MYBPH: variants seen among roughly 807,000 people sequenced by gnomAD.
MYBPH encodes the protein myosin binding protein H, also known as myosin-binding protein H.
MYBPH carries 49 observed loss-of-function variants against 53.6 expected under a neutral mutation model. That is an observed-to-expected ratio of 0.91 (90% confidence interval 0.73 to 1.16). The LOEUF (loss-of-function observed/expected upper bound fraction) is 1.16, where lower values mean the gene tolerates loss of function less well. MYBPH is among the 50% of genes most tolerant of loss of function. The pLI is 0.00. For missense variants in MYBPH, 558 were observed against 624.1 expected (o/e 0.89, Z 1.13); for synonymous variants, 239 against 249.6 (o/e 0.96, Z 0.40).
At chr1:203,168,345 C>T (rs1655623108) in intron 10 of MYBPH, among the ~76,000 whole-genome samples, 1 of 152,184 alleles carries the variant, frequency 6.6e-6, no homozygotes, top group South Asian at 2.1e-4. Context: ...AGAATGTGTC[C>T]AAAGAGAACA....
chr1:203,177,460 G>T (rs934565131), upstream of MYBPH, among the ~76,000 whole-genome samples: 2 of 152,216 alleles, frequency 1.3e-5, no homozygotes, highest in Non-Finnish European at 2.9e-5. Flanking sequence ...CTTTCCTGAG[G>T]ACTGGGGACA....
upstream of MYBPH, among the ~76,000 whole-genome samples, chr1:203,178,757 G>C (rs1180093660): frequency 2.6e-4 from 39 of 152,238 alleles, no homozygotes; most frequent in Admixed American, 2.6e-3. Context: ...AGGTGAATCT[G>C]AGGACGCTGG....
chr1:203,168,507 G>A (rs372138677), intron 10 of MYBPH, 120 bp downstream of exon 10: 2 of 982,526 alleles, frequency 2.0e-6, no homozygotes, highest in Non-Finnish European at 3.1e-6. Context: ...GTGTCCACAA[G>A]TTTGTGTCCA....
At chr1:203,173,920 G>T (rs1018020185) in intron 3 of MYBPH, among the ~76,000 whole-genome samples, 2 of 152,246 alleles carry the variant, frequency 1.3e-5, no homozygotes, top group African/African-American at 4.8e-5. Context: ...CCCCAGTGAG[G>T]TATGCCCTCT....
intron 3 of MYBPH, 176 bp downstream of exon 3, chr1:203,174,254 C>G: frequency 1.0e-6 from 1 of 955,040 alleles, no homozygotes; most frequent in Non-Finnish European, 1.2e-6. Flanking sequence ...AGGCCCCTTA[C>G]TGCTGAGGAA....
Position 203,171,976 on chromosome 1 carries a change from C to T in MYBPH, c.573G>A (p.Thr191=), listed in dbSNP as rs73075728. 2.9e-5 allele frequency: 38 copies of T among 1,322,746 alleles called. No individual in the cohort carries two copies. In the South Asian group the frequency reaches 4.9e-4, roughly 17 times the overall value. The allele number at this position is 1,322,746 out of a possible 1,614,324, so 81.9% of individuals were successfully genotyped here. The change falls in exon 4 of 11, where the codon ACG becomes ACA. Residue 191 remains threonine, a synonymous_variant. Coordinates refer to ENST00000255416, the MANE Select transcript of MYBPH (RefSeq NM_004997.3). This position sits in a 1 kb window ranked among gnomAD's most constrained non-coding sequence, Gnocchi z 4.2. The part of the protein sequence containing the change: ...RQTYIRQVGE[T]VNLQIPFQGK... ...CCTGGAAGGGGATTTGCAGGTTGAC[C>T]GTCTCTCCCACCTGGCGGATGTAGG...
chr1:203,170,185 AG>A, intron 7 of MYBPH, 105 bp downstream of exon 7: 1 of 1,393,710 alleles, frequency 7.2e-7, no homozygotes, highest in South Asian at 1.4e-5. Flanking sequence ...CAAGTGTTCC[AG>A]GGGCAGACGC....
intron 6 of MYBPH, 138 bp downstream of exon 6, chr1:203,170,923 C>T (rs1655681852): frequency 1.7e-6 from 2 of 1,190,824 alleles, no homozygotes. Context: ...TTGCTAAGGG[C>T]CTCCTAGGGA....
chr1:203,169,108 A>T lies in MYBPH; in HGVS notation c.1231-16T>A. On this transcript the variant is annotated splice_polypyrimidine_tract_variant and intron_variant, in intron 8 of 10. Coordinates refer to ENST00000255416, the MANE Select transcript of MYBPH (RefSeq NM_004997.3). ...TGATCTTGGGCTGGGAGACATGGTC[A>T]GAAGAGAGCTGGGGAGGTATGGACT... The T allele has an allele frequency of 6.2e-7, 1 of 1,613,300 alleles. No homozygotes were observed. The highest frequency in any genetic ancestry group is 8.5e-7 in the Non-Finnish European group (1 of 1,179,580).
In MYBPH at chr1:203,173,383, G is replaced by T. The variant is rs1655738605; in HGVS notation, c.508+1047C>A. Among the ~76,000 whole-genome samples, 3 of 152,220 alleles carry T rather than the reference G, an allele frequency of 2.0e-5. No individual in the cohort carries two copies. In the South Asian group the frequency reaches 6.2e-4, roughly 31 times the overall value. ...TAGGGTTGGGAGGCTTGGGTTTTGGGTGCCACCAGAGAAGATGCTCTGCAG... is the reference window on the plus strand; with the variant it reads ...TAGGGTTGGGAGGCTTGGGTTTTGGTTGCCACCAGAGAAGATGCTCTGCAG... On this transcript the variant is annotated intron_variant, in intron 3 of 10. Coordinates refer to ENST00000255416, the MANE Select transcript of MYBPH (RefSeq NM_004997.3).
In MYBPH at chr1:203,169,037, C is replaced by CG; in HGVS notation, c.1285dup (p.Arg429ProfsTer5). 2 of 1,613,906 alleles carry CG rather than the reference C, an allele frequency of 1.2e-6. No individual in the cohort carries two copies. Among genetic ancestry groups the CG allele is most frequent in the Non-Finnish European group, 8.5e-7 (1 of 1,180,040 alleles). On this transcript the variant is annotated frameshift_variant, in exon 9 of 11. Coordinates refer to ENST00000255416, the MANE Select transcript of MYBPH (RefSeq NM_004997.3). LOFTEE classifies it high-confidence loss of function. The stretch of plus-strand genomic sequence containing the variant: ...GCAGACGCCTTGCTCAGAGAGGGCG[C>CG]GGTATTTGGGGTTGCCCTGGATCTC...
Position 203,171,642 on chromosome 1 carries a change from T to A in MYBPH, c.598-64A>T. On this transcript the variant is annotated intron_variant, in intron 4 of 10. Transcript: ENST00000255416. This position sits in a 1 kb window ranked among gnomAD's most constrained non-coding sequence, Gnocchi z 4.2. ...GCCAGAGTCCCCACACCTCCTTAAC[T>A]CCAGGAGTCTCTGGAGCTGTTCTCG... is the stretch of plus-strand genomic sequence containing the variant. 6.9e-7 allele frequency: 1 copy of A among 1,457,276 alleles called. No homozygotes were observed. The highest frequency in any genetic ancestry group is 9.2e-7 in the Non-Finnish European group (1 of 1,087,326). The allele number at this position is 1,457,276 out of a possible 1,614,324, so 90.3% of individuals were successfully genotyped here.
chr1:203,171,760 C>T lies in MYBPH; in HGVS notation c.598-182G>A, dbSNP rs538022324. On this transcript the variant is annotated intron_variant, in intron 4 of 10. Coordinates refer to ENST00000255416, the MANE Select transcript of MYBPH (RefSeq NM_004997.3). This position sits in a 1 kb window ranked among gnomAD's most constrained non-coding sequence, Gnocchi z 4.2. The stretch of plus-strand genomic sequence containing the variant: ...AGCCACATCTTCCAGGTGTCCATCC[C>T]GCTCTGGGGGCCCACCTGCCCATCC... Among the ~76,000 whole-genome samples, 62 of 152,344 alleles carry T rather than the reference C, an allele frequency of 4.1e-4. No homozygotes were observed. Among genetic ancestry groups the T allele is most frequent in the Middle Eastern group, 3.4e-3 (1 of 294 alleles).
upstream of MYBPH, among the ~76,000 whole-genome samples, chr1:203,178,378 G>A (rs748112659): frequency 2.7e-4 from 41 of 152,196 alleles, no homozygotes; most frequent in Non-Finnish European, 5.9e-5. Context: ...GCCCAGCCAC[G>A]GAATGGGTTG....
chr1:203,173,175 G>C (rs930934229), intron 3 of MYBPH, among the ~76,000 whole-genome samples: 2 of 152,226 alleles, frequency 1.3e-5, no homozygotes, highest in African/African-American at 4.8e-5. Flanking sequence ...GCTGAGTCTG[G>C]CTGGGTCCAT....
Position 203,170,291 on chromosome 1 carries a change from C to T in MYBPH, c.1093G>A (p.Asp365Asn). The T allele has an allele frequency of 6.2e-7, 1 of 1,614,100 alleles. No homozygotes were observed. The highest frequency in any genetic ancestry group is 8.5e-7 in the Non-Finnish European group (1 of 1,179,994). Residue 365 changes from aspartate to asparagine, a missense_variant and splice_region_variant, in exon 7 of 11, where the codon GAT (aspartate) becomes AAT (asparagine). Physicochemically the swap from Asp to Asn is conservative, Grantham distance 23. Coordinates refer to ENST00000255416, the MANE Select transcript of MYBPH (RefSeq NM_004997.3). ...CAGCCAGCTCCGGGCCCAAACCCAC[C>T]TGCCTTCTGGATGTGGGCGAGCTCC... ...TKELAHIQKA[D>N]IAAKPKGFIE...
rs757790832 is a variant in MYBPH, at chr1:203,175,448, G to A, written c.219C>T (p.Ala73=). 6.3e-7 allele frequency: 1 copy of A among 1,580,034 alleles called. No individual in the cohort carries two copies. Among genetic ancestry groups the A allele is most frequent in the East Asian group, 2.2e-5 (1 of 44,460 alleles). The change falls in exon 2 of 11, where the codon GCC becomes GCT. Residue 73 remains alanine, a synonymous_variant. Coordinates refer to ENST00000255416, the MANE Select transcript of MYBPH (RefSeq NM_004997.3). ...PAPPSEDVPS[A]PLLLTLDDVS... ...CATCATCCAGGGTCAGCAGCAGTGG[G>A]GCACTGGGGACATCTGGGGAGATGA...
upstream of MYBPH, among the ~76,000 whole-genome samples, chr1:203,176,018 C>T (rs1482047479): frequency 6.6e-6 from 1 of 152,196 alleles, no homozygotes. Flanking sequence ...CCCGACTGGC[C>T]TTCAACAGCC....
At position 203,168,567 on chromosome 1, in the gene MYBPH, C is replaced by T. The variant is rs1385368784; in HGVS notation, c.*32+60G>A. ...CTCACCCCAACCCCCTGCTCCTGGC[C>T]TCCTCTCTGCTTCTGTGCTGCCCAC... On this transcript the variant is annotated intron_variant, in intron 10 of 10. Coordinates refer to ENST00000255416, the MANE Select transcript of MYBPH (RefSeq NM_004997.3). The T allele has an allele frequency of 8.0e-6, 12 of 1,508,764 alleles. No individual in the cohort carries two copies. The South Asian group carries it at 1.4e-4, about 18-fold the overall frequency. 93.5% of individuals were successfully genotyped at this position (1,508,764 alleles called of 1,614,324 possible). A position where few individuals can be genotyped will look rare whatever the true frequency, so the allele number is the denominator to read the frequency against.
Sources: gnomAD v4.1 joint callset for allele counts (sites outside exome capture counted in the v4.1 genomes callset) on GRCh38, gnomAD v4.1.1 for gene constraint, Gnocchi (gnomAD v3.1) non-coding constraint, MANE v1.5 for transcripts, NCBI Gene and HGNC (gene_info 2026-07-23, HGNC 2026-07-21) for gene names.